Variants in SLC26A7 observed in about 807,000 individuals in gnomAD.
SLC26A7 encodes solute carrier family 26 member 7, also known as anion exchange transporter.
Under a neutral mutation model 82.5 loss-of-function variants are expected in SLC26A7, and 59 were observed. The ratio of observed to expected loss-of-function variants is 0.72; its 90% confidence interval spans 0.58 to 0.89. The LOEUF (loss-of-function observed/expected upper bound fraction) is 0.89. SLC26A7 is among the 40% of genes least tolerant of loss of function. The pLI is 0.00. For missense variants in SLC26A7, 820 were observed against 793.0 expected (o/e 1.03, Z -0.41); for synonymous variants, 271 against 274.3 (o/e 0.99, Z 0.12).
intron 4 of SLC26A7, among the ~76,000 whole-genome samples, chr8:91,296,512 G>A (rs1245683733): frequency 6.6e-6 from 1 of 152,038 alleles, no homozygotes; most frequent in Non-Finnish European, 1.5e-5. Flanking sequence ...ACACCAAGAA[G>A]GGCGAAAAAT....
Position 91,352,916 on chromosome 8 carries a change from A to G in SLC26A7, c.1234A>G (p.Ile412Val), listed in dbSNP as rs1813758844. ...TTATTTCTAGTGTGTCCTTGCAAGC[A>G]TTATTGTTGTGGGACTGAAGGGAAT... Reference protein sequence around the residue: ...YWLPMCVLASIIVVGLKGMLI... With the variant: ...YWLPMCVLASVIVVGLKGMLI... Residue 412 changes from isoleucine (I) to valine (V), a missense_variant, in exon 11 of 19, where the codon ATT (isoleucine) becomes GTT (valine). Ile to Val is a conservative substitution (Grantham distance 29). Coordinates refer to ENST00000276609, the MANE Select transcript of SLC26A7 (RefSeq NM_052832.4). The G allele has an allele frequency of 6.2e-7, 1 of 1,605,340 alleles. No individual in the cohort carries two copies. Among genetic ancestry groups the G allele is most frequent in the Admixed American group, 1.7e-5 (1 of 58,388 alleles).
At chr8:91,292,851 T>C (rs1811911073) in intron 3 of SLC26A7, among the ~76,000 whole-genome samples, 1 of 152,088 alleles carries the variant, frequency 6.6e-6, no homozygotes, top group Admixed American at 6.5e-5. Context: ...GGCAACAGCA[T>C]TGTTGTAGGA....
At chr8:91,257,132 C>T (rs180743693) in intron 2 of SLC26A7, among the ~76,000 whole-genome samples, 10 of 152,214 alleles carry the variant, frequency 6.6e-5, no homozygotes, top group Non-Finnish European at 1.2e-4. Flanking sequence ...AGAAGCAATA[C>T]AATGAGCTAT....
chr8:91,376,951 G>A (rs1814533330), intron 15 of SLC26A7, among the ~76,000 whole-genome samples: 1 of 152,102 alleles, frequency 6.6e-6, no homozygotes, highest in African/African-American at 2.4e-5. Context: ...GCTGCAAAGT[G>A]GCTGCAGACT....
chr8:91,340,606 TCCCA>T (rs768430970), intron 8 of SLC26A7, 55 bp downstream of exon 8: 5 of 1,577,468 alleles, frequency 3.2e-6, no homozygotes, highest in Non-Finnish European at 4.4e-6. Context: ...CACTGTGCAC[TCCCA>T]GATCCTAAAA....
chr8:91,303,415 A>G (rs1022207061), intron 4 of SLC26A7, among the ~76,000 whole-genome samples: 3 of 152,184 alleles, frequency 2.0e-5, no homozygotes, highest in Non-Finnish European at 2.9e-5. Flanking sequence ...AAGCCATAGG[A>G]CAAGATTTCT....
chr8:91,372,365 C>G (rs78332352), intron 15 of SLC26A7, among the ~76,000 whole-genome samples: 116 of 151,846 alleles, frequency 7.6e-4, no homozygotes, highest in African/African-American at 2.5e-3. Flanking sequence ...TATAGTTTCA[C>G]GTCTTATATT....
intron 4 of SLC26A7, among the ~76,000 whole-genome samples, chr8:91,308,468 C>T: frequency 6.6e-6 from 1 of 152,180 alleles, no homozygotes; most frequent in East Asian, 1.9e-4. Flanking sequence ...AGTCTCACCA[C>T]ATCATAAACT....
chr8:91,225,561 A>AT (rs893654824), intron 2 of SLC26A7, among the ~76,000 whole-genome samples: 1,139 of 66,922 alleles, frequency 0.017, 13 homozygotes, highest in East Asian at 0.12. Context: ...GCTTATTATG[A>AT]TTTTTTTTTT....
At chr8:91,229,928 T>C (rs1034093874) in intron 2 of SLC26A7, among the ~76,000 whole-genome samples, 1 of 152,220 alleles carries the variant, frequency 6.6e-6, no homozygotes, top group Non-Finnish European at 1.5e-5. Flanking sequence ...AAAATTAATC[T>C]GGCAACGCTG....
At chr8:91,275,169 C>T (rs1366088418) in intron 2 of SLC26A7, among the ~76,000 whole-genome samples, 2 of 152,134 alleles carry the variant, frequency 1.3e-5, no homozygotes, top group African/African-American at 4.8e-5. Flanking sequence ...GCTTAATTAA[C>T]ATTTTAGACT....
At chr8:91,274,649 A>T (rs1811359146) in intron 2 of SLC26A7, among the ~76,000 whole-genome samples, 1 of 152,230 alleles carries the variant, frequency 6.6e-6, no homozygotes, top group South Asian at 2.1e-4. Flanking sequence ...TCTTATACTG[A>T]CAACTAAATT....
intron 2 of SLC26A7, among the ~76,000 whole-genome samples, chr8:91,270,102 A>G (rs1811228474): frequency 1.3e-5 from 2 of 151,856 alleles, no homozygotes. Context: ...CCATTATTGG[A>G]GCTCTGTTGG....
chr8:91,290,253 T>C (rs1811827809), intron 3 of SLC26A7, among the ~76,000 whole-genome samples: 1 of 152,178 alleles, frequency 6.6e-6, no homozygotes. Context: ...TCTTCAATGG[T>C]CATTTTGTGT....
chr8:91,291,697 T>C (rs1811873938), intron 3 of SLC26A7, among the ~76,000 whole-genome samples: 2 of 152,250 alleles, frequency 1.3e-5, no homozygotes, highest in South Asian at 4.1e-4. Flanking sequence ...TACAGATATT[T>C]AACTGAATTA....
chr8:91,328,432 C>A (rs1255510926), intron 5 of SLC26A7, among the ~76,000 whole-genome samples: 1 of 152,084 alleles, frequency 6.6e-6, no homozygotes, highest in African/African-American at 2.4e-5. Flanking sequence ...CATAATATAA[C>A]CTCAATAAAC....
chr8:91,244,994 C>T (rs755826655), upstream of SLC26A7, among the ~76,000 whole-genome samples: 1 of 152,152 alleles, frequency 6.6e-6, no homozygotes, highest in Non-Finnish European at 1.5e-5. Context: ...TTGTTGAGAA[C>T]ATAGAACTTT....
intron 2 of SLC26A7, among the ~76,000 whole-genome samples, chr8:91,251,761 G>A (rs921630438): frequency 2.6e-5 from 4 of 151,930 alleles, no homozygotes; most frequent in Admixed American, 2.6e-4. Flanking sequence ...GTGGAGTCAG[G>A]ACTTGATTCC....
chr8:91,344,933 GT>G (rs896293507), intron 9 of SLC26A7, among the ~76,000 whole-genome samples: 21 of 148,194 alleles, frequency 1.4e-4, no homozygotes, highest in South Asian at 2.2e-4. Context: ...TCCTATAGCA[GT>G]TTTTTTTTTC....
Sources: allele counts gnomAD v4.1 joint callset (sites outside exome capture counted in the v4.1 genomes callset), GRCh38; gene constraint gnomAD v4.1.1; transcripts MANE v1.5; gene names NCBI Gene and HGNC (gene_info 2026-07-23, HGNC 2026-07-21).